The following IQGAP3 variants were observed in gnomAD, a reference collection of about 807,000 sequenced individuals.
The protein encoded by IQGAP3 is ras GTPase-activating-like protein IQGAP3.
Under a neutral mutation model 208.2 loss-of-function variants are expected in IQGAP3, and 165 were observed. The observed-to-expected ratio is 0.79, with a 90% confidence interval of 0.70 to 0.90. IQGAP3 has a LOEUF of 0.90. Among genes scored for constraint, IQGAP3 ranks in the 40% least tolerant of loss-of-function variants. The pLI, the probability that IQGAP3 is intolerant of heterozygous loss-of-function variation, is 0.00. For missense variants in IQGAP3, 1,811 were observed against 2,043.1 expected, an observed-to-expected ratio of 0.89 and a Z score of 2.19; for synonymous variants, 703 against 803.6, an observed-to-expected ratio of 0.87 and a Z score of 2.12.
intron 31 of IQGAP3, 51 bp from the exon 32 acceptor site, chr1:156,533,157 G>GCA: frequency 6.3e-7 from 1 of 1,599,676 alleles, no homozygotes. Context: ...ACACACATGC[G>GCA]CACACACACA....
At chr1:156,549,196 C>T (rs1675420390) in intron 16 of IQGAP3, among the ~76,000 whole-genome samples, 1 of 152,182 alleles carries the variant, frequency 6.6e-6, no homozygotes, top group Non-Finnish European at 1.5e-5. Flanking sequence ...CACTGTGGCT[C>T]ACGCCTGTAA....
At chr1:156,527,403 A>G (rs1353674957) in intron 37 of IQGAP3, among the ~76,000 whole-genome samples, 3 of 151,932 alleles carry the variant, frequency 2.0e-5, no homozygotes, top group African/African-American at 7.2e-5. Context: ...GCTTGAACCC[A>G]GGAGGCAGAG....
chr1:156,549,971 G>T (rs891780631), intron 16 of IQGAP3, among the ~76,000 whole-genome samples: 1 of 152,166 alleles, frequency 6.6e-6, no homozygotes, highest in Non-Finnish European at 1.5e-5. Flanking sequence ...TCTGACTACC[G>T]CATGATCTCA....
intron 31 of IQGAP3, 63 bp downstream of exon 31, chr1:156,533,710 C>T: frequency 7.2e-7 from 1 of 1,379,858 alleles, no homozygotes; most frequent in South Asian, 1.2e-5. Context: ...CCCTGCCTGC[C>T]TGCCTGTCCC....
intron 27 of IQGAP3, 129 bp downstream of exon 27, chr1:156,537,052 T>G: frequency 1.0e-6 from 1 of 996,756 alleles, no homozygotes; most frequent in Non-Finnish European, 1.5e-6. Flanking sequence ...GGAACCCCTC[T>G]GAGTACCCCT....
rs1310023147 is a variant in IQGAP3 at position 156,563,911 on chromosome 1, G to A, written c.438-87C>T. 3 of 1,078,710 alleles carry A rather than the reference G, an allele frequency of 2.8e-6. No homozygotes were observed. In the African/African-American group the frequency reaches 4.7e-5, roughly 17 times the overall value. 66.8% of individuals were successfully genotyped at this position (1,078,710 alleles called of 1,614,324 possible). On this transcript the variant is annotated intron_variant, in intron 5 of 37. Coordinates refer to ENST00000361170, the MANE Select transcript of IQGAP3 (RefSeq NM_178229.5). ...CGATGGGTTTGAAGGGGATACTATG[G>A]GGACCTAGAGATGAAGACCACTCAG...
At chr1:156,556,751 C>T (rs904717224) in intron 11 of IQGAP3, 58 bp from the exon 12 acceptor site, 4 of 1,429,934 alleles carry the variant, frequency 2.8e-6, no homozygotes, top group Admixed American at 2.5e-5. Context: ...CATCTCCACT[C>T]TCCTCACCAA....
chr1:156,528,968 A>C lies in IQGAP3; in HGVS notation c.4519T>G (p.Tyr1507Asp). ...KTTFYEEQGDYYSQYIRACLD... is the reference protein window; with the variant it reads ...KTTFYEEQGDDYSQYIRACLD... ...CAGGCCCGGATGTACTGGCTGTAGT[A>C]GTCACCCTGCTCCTCATAGAAGGTG... Residue 1507 changes from tyrosine (Y) to aspartate (D), a missense_variant, in exon 35 of 38, where the codon TAC (tyrosine) becomes GAC (aspartate). Coordinates refer to ENST00000361170, the MANE Select transcript of IQGAP3 (RefSeq NM_178229.5). 6.2e-7 allele frequency: 1 copy of C among 1,614,228 alleles called. No homozygotes were observed. The highest frequency in any genetic ancestry group is 8.5e-7 in the Non-Finnish European group (1 of 1,180,034).
At chr1:156,528,782 C>T (rs1347365475) in intron 35 of IQGAP3, 134 bp downstream of exon 35, 1 of 1,172,908 alleles carries the variant, frequency 8.5e-7, no homozygotes, top group African/African-American at 1.5e-5. Context: ...GGCTCAAAGA[C>T]CAGACTTAGG....
intron 8 of IQGAP3, among the ~76,000 whole-genome samples, 193 bp downstream of exon 8, chr1:156,562,941 T>C (rs4661183): frequency 0.51 from 77,348 of 152,146 alleles, 22,491 homozygotes; most frequent in Non-Finnish European, 0.66. Flanking sequence ...GAACCTCTTC[T>C]CCAGTCTTCT....
At chr1:156,571,135 GA>G (rs1676626719) in intron 1 of IQGAP3, among the ~76,000 whole-genome samples, 1 of 152,168 alleles carries the variant, frequency 6.6e-6, no homozygotes, top group Admixed American at 6.5e-5. Flanking sequence ...CAAAACTCAA[GA>G]ATAGAGAATC....
At position 156,566,387 on chromosome 1, in the gene IQGAP3, C is replaced by T; in HGVS notation, c.282+3G>A. 1 of 1,613,802 alleles carries T rather than the reference C, an allele frequency of 6.2e-7. No individual in the cohort carries two copies. Among genetic ancestry groups the T allele is most frequent in the South Asian group, 1.1e-5 (1 of 91,048 alleles). ...GGTAGAAGGTGGGGTCCAATCCTCC[C>T]ACCTGGTACCGCAGCTGCTCCACAT... On this transcript the variant is annotated splice_donor_region_variant and intron_variant, in intron 3 of 37. Transcript: ENST00000361170.
chr1:156,563,275 C>A lies in IQGAP3; in HGVS notation c.657G>T (p.Glu219Asp), dbSNP rs1474675416. ...AAVLAINEAV[E>D]RGVVEDTLAA... ...CCAGGGTGTCCTCCACCACCCCTCG[C>A]TCCACTGCTTCATTGATGGCAAGAA... The change falls in exon 8 of 38, where the codon GAG becomes GAT. Residue 219 changes from glutamate to aspartate, a missense_variant. Coordinates refer to ENST00000361170, the MANE Select transcript of IQGAP3 (RefSeq NM_178229.5). The A allele has an allele frequency of 1.2e-6, 2 of 1,608,584 alleles. No individual in the cohort carries two copies. The highest frequency in any genetic ancestry group is 1.3e-5 in the African/African-American group (1 of 74,854).
intron 19 of IQGAP3, 73 bp downstream of exon 19, chr1:156,548,000 A>C: frequency 7.4e-7 from 1 of 1,355,552 alleles, no homozygotes; most frequent in Non-Finnish European, 1.0e-6. Flanking sequence ...GTCAGTAAAA[A>C]GGAAGCAGCG....
At position 156,539,628 on chromosome 1, in the gene IQGAP3, G is replaced by A. The variant is rs575680745; in HGVS notation, c.2893-91C>T. ...AAAGGCTTTCCCCTGATGGAAATCT[G>A]GAATGGAGAAAGCACTACCACACTT... On this transcript the variant is annotated intron_variant, in intron 24 of 37. Transcript: ENST00000361170. 294 of 1,406,620 alleles carry A rather than the reference G, an allele frequency of 2.1e-4. 5 individuals are homozygous for A. In the Middle Eastern group the frequency reaches 0.015, roughly 70 times the overall value. 87.1% of individuals were successfully genotyped at this position (1,406,620 alleles called of 1,614,324 possible). A position where few individuals can be genotyped will look rare whatever the true frequency, so the allele number is the denominator to read the frequency against.
intron 23 of IQGAP3, among the ~76,000 whole-genome samples, chr1:156,540,256 C>T (rs953176094): frequency 6.6e-6 from 1 of 152,126 alleles, no homozygotes; most frequent in African/African-American, 2.4e-5. Context: ...TTGGCTTTTG[C>T]TATCTCTTCT....
In IQGAP3 at chr1:156,566,498, C is replaced by T. The variant is rs867629313; in HGVS notation, c.174G>A (p.Leu58=). ...GCACTCCATTCCGAAGGCTCTCCTC[C>T]AGCTCCACCGGGGAAGGAAGCTCCT... ...LKEELPSPVE[L]EESLRNGVLL... Residue 58 remains leucine, a synonymous_variant, in exon 3 of 38, where the codon CTG becomes CTA. Coordinates refer to ENST00000361170, the MANE Select transcript of IQGAP3 (RefSeq NM_178229.5). 1 of 1,614,188 alleles carries T rather than the reference C, an allele frequency of 6.2e-7. No individual in the cohort carries two copies. The highest frequency in any genetic ancestry group is 8.5e-7 in the Non-Finnish European group (1 of 1,180,024).
At chr1:156,571,302 G>C (rs1676632631) in intron 1 of IQGAP3, among the ~76,000 whole-genome samples, 1 of 152,076 alleles carries the variant, frequency 6.6e-6, no homozygotes, top group South Asian at 2.1e-4. Context: ...AATAAACTCA[G>C]AGAGCTTGAA....
chr1:156,540,614 T>C (rs1674930062), intron 23 of IQGAP3, 94 bp downstream of exon 23: 2 of 1,166,494 alleles, frequency 1.7e-6, no homozygotes, highest in Non-Finnish European at 2.5e-6. Context: ...CCACAACATT[T>C]TGAAAAAAAT....
Sources: gnomAD v4.1 joint callset for allele counts (sites outside exome capture counted in the v4.1 genomes callset) on GRCh38, gnomAD v4.1.1 for gene constraint, MANE v1.5 for transcripts, NCBI Gene and HGNC (gene_info 2026-07-23, HGNC 2026-07-21) for gene names.